The following HPGDS variants were observed in gnomAD, a reference collection of about 807,000 sequenced individuals.
HPGDS encodes the protein hematopoietic prostaglandin D synthase.
Under a neutral mutation model 23.1 loss-of-function variants are expected in HPGDS, and 26 were observed. The observed-to-expected ratio is 1.13, with a 90% confidence interval of 0.83 to 1.56. The LOEUF is 1.56. Among genes scored for constraint, HPGDS ranks in the 40% most tolerant of loss-of-function variants. The pLI is 0.00. For synonymous variants in HPGDS, 95 were observed against 77.9 expected, an observed-to-expected ratio of 1.22 and a Z score of -1.16; for missense variants, 268 against 236.4, an observed-to-expected ratio of 1.13 and a Z score of -0.88.
In HPGDS at chr4:94,299,404, G is replaced by T; in HGVS notation, c.*76C>A. Reference sequence around the variant, plus strand: ...GGGGAGGGAGCATGTGGATTATCTGGCAGGCTGATGTAGCTGTCTTATCTG... The same window carrying T: ...GGGGAGGGAGCATGTGGATTATCTGTCAGGCTGATGTAGCTGTCTTATCTG... On this transcript the variant is annotated 3_prime_UTR_variant, in exon 6 of 6. Coordinates refer to ENST00000295256, the MANE Select transcript of HPGDS (RefSeq NM_014485.3). The T allele has an allele frequency of 3.1e-6, 4 of 1,278,364 alleles. No homozygotes were observed. Among genetic ancestry groups the T allele is most frequent in the South Asian group, 1.8e-5 (1 of 54,220 alleles). 79.2% of individuals were successfully genotyped at this position (1,278,364 alleles called of 1,614,324 possible).
chr4:94,317,073 T>C (rs1044929321), intron 3 of HPGDS, among the ~76,000 whole-genome samples: 1 of 152,116 alleles, frequency 6.6e-6, no homozygotes, highest in Non-Finnish European at 1.5e-5. Flanking sequence ...CAAAATGAGG[T>C]TTAGTATTCA....
At chr4:94,326,478 G>A (rs75085829) in intron 2 of HPGDS, among the ~76,000 whole-genome samples, 73 of 144,586 alleles carry the variant, frequency 5.0e-4, no homozygotes, top group Middle Eastern at 3.9e-3. Flanking sequence ...GAAATTCTTC[G>A]CTTGACCTAG....
chr4:94,327,030 C>T (rs1457739937), intron 2 of HPGDS, among the ~76,000 whole-genome samples: 2 of 152,016 alleles, frequency 1.3e-5, no homozygotes. Context: ...ATTAGTGAGG[C>T]TGTGGTGAGT....
intron 3 of HPGDS, among the ~76,000 whole-genome samples, chr4:94,316,179 T>TA (rs1212740844): frequency 3.9e-5 from 6 of 152,042 alleles, no homozygotes; most frequent in African/African-American, 1.4e-4. Flanking sequence ...TTGAGGAGGG[T>TA]ATTGCAAGTT....
At chr4:94,310,268 A>G (rs1479693423) in intron 3 of HPGDS, among the ~76,000 whole-genome samples, 18 of 152,206 alleles carry the variant, frequency 1.2e-4, no homozygotes, top group East Asian at 3.8e-4. Flanking sequence ...TTTTAGGTCT[A>G]ACATTGAAGT....
intron 3 of HPGDS, among the ~76,000 whole-genome samples, chr4:94,313,056 A>G (rs1579433010): frequency 6.6e-6 from 1 of 152,200 alleles, no homozygotes; most frequent in East Asian, 1.9e-4. Context: ...GGGTTTCCTG[A>G]ATACAGCACA....
rs1263514279 is a variant in HPGDS, at chr4:94,301,898, G to T, written c.435+248C>A. ...CTATGCACCTCTTTTGCATAGTTAGGTTCATTTACTTTGCTTTGATTTTTA... is the reference window on the plus strand; with the variant it reads ...CTATGCACCTCTTTTGCATAGTTAGTTTCATTTACTTTGCTTTGATTTTTA... On this transcript the variant is annotated intron_variant, in intron 5 of 5. Coordinates refer to ENST00000295256, the MANE Select transcript of HPGDS (RefSeq NM_014485.3). Among the ~76,000 whole-genome samples the T allele has an allele frequency of 3.3e-5, 5 of 151,886 alleles. No homozygotes were observed. In the East Asian group the frequency reaches 9.6e-4, roughly 29 times the overall value.
intron 4 of HPGDS, among the ~76,000 whole-genome samples, chr4:94,308,271 C>T (rs1277993580): frequency 6.6e-6 from 1 of 152,068 alleles, no homozygotes; most frequent in Non-Finnish European, 1.5e-5. Flanking sequence ...GAGTTTGGGG[C>T]ATTTTGGACT....
At chr4:94,324,489 T>C (rs991979969) in intron 2 of HPGDS, among the ~76,000 whole-genome samples, 27 of 152,326 alleles carry the variant, frequency 1.8e-4, no homozygotes, top group African/African-American at 6.5e-4. Flanking sequence ...ACTTCTCTTC[T>C]CACTTCATTT....
intron 3 of HPGDS, among the ~76,000 whole-genome samples, chr4:94,310,699 G>A (rs1028128321): frequency 7.2e-5 from 11 of 152,038 alleles, no homozygotes; most frequent in Admixed American, 3.3e-4. Context: ...TGATGGGAAC[G>A]GCACTAAATC....
chr4:94,338,333 G>A (rs551894454), intron 1 of HPGDS, among the ~76,000 whole-genome samples: 2 of 152,000 alleles, frequency 1.3e-5, no homozygotes, highest in South Asian at 2.1e-4. Context: ...GCTAAGGCAC[G>A]AGAATTGCTT....
chr4:94,330,121 G>T (rs1369114921), intron 2 of HPGDS, among the ~76,000 whole-genome samples: 1 of 152,202 alleles, frequency 6.6e-6, no homozygotes, highest in Non-Finnish European at 1.5e-5. Context: ...GTGAAGAAAT[G>T]CAAATCAGGG....
At chr4:94,300,566 T>C (rs1579422686) in intron 5 of HPGDS, among the ~76,000 whole-genome samples, 8 of 152,178 alleles carry the variant, frequency 5.3e-5, no homozygotes, top group Admixed American at 5.2e-4. Flanking sequence ...AGACTCAGAA[T>C]TCAGAATAAA....
intron 4 of HPGDS, among the ~76,000 whole-genome samples, chr4:94,305,731 G>A (rs796438793): frequency 1.2e-4 from 18 of 152,048 alleles, no homozygotes; most frequent in African/African-American, 4.1e-4. Flanking sequence ...AACAATTTTG[G>A]GTAAGTTGTT....
In HPGDS at chr4:94,302,095, T is replaced by G. The variant is rs1756051558; in HGVS notation, c.435+51A>C. 2.2e-6 allele frequency: 3 copies of G among 1,345,334 alleles called. No individual in the cohort carries two copies. The South Asian group carries it at 3.7e-5, about 16-fold the overall frequency. The allele number at this position is 1,345,334 out of a possible 1,614,324, so 83.3% of individuals were successfully genotyped here. ...TTTCAGTAAGTTTTTATACTTCTATTGGTTTGTCCTTTTATTTGCTTGAAT... is the reference window on the plus strand; with the variant it reads ...TTTCAGTAAGTTTTTATACTTCTATGGGTTTGTCCTTTTATTTGCTTGAAT... On this transcript the variant is annotated intron_variant, in intron 5 of 5. Transcript: ENST00000295256.
chr4:94,317,539 A>C (rs1756421356), intron 3 of HPGDS, among the ~76,000 whole-genome samples: 1 of 152,156 alleles, frequency 6.6e-6, no homozygotes, highest in South Asian at 2.1e-4. Flanking sequence ...TCTGCTAAGT[A>C]ATTTTCTCTA....
chr4:94,331,379 C>T (rs1160115604), intron 2 of HPGDS, among the ~76,000 whole-genome samples: 2 of 152,034 alleles, frequency 1.3e-5, no homozygotes, highest in African/African-American at 2.4e-5. Context: ...CTCAGAGTTG[C>T]TTTTTTTCTG....
intron 2 of HPGDS, among the ~76,000 whole-genome samples, chr4:94,324,150 C>G (rs1756579322): frequency 6.6e-6 from 1 of 152,124 alleles, no homozygotes; most frequent in African/African-American, 2.4e-5. Context: ...GATGGGCTTC[C>G]CTTTGTGGGT....
intron 3 of HPGDS, among the ~76,000 whole-genome samples, chr4:94,315,371 C>A (rs1030379175): frequency 6.6e-6 from 1 of 152,184 alleles, no homozygotes; most frequent in Non-Finnish European, 1.5e-5. Context: ...AATAAATAAC[C>A]TGTACCTATG....
Sources: allele counts gnomAD v4.1 joint callset (sites outside exome capture counted in the v4.1 genomes callset), GRCh38; gene constraint gnomAD v4.1.1; transcripts MANE v1.5; gene names NCBI Gene and HGNC (gene_info 2026-07-23, HGNC 2026-07-21).